NRXN1: variants seen among roughly 807,000 people sequenced by gnomAD.
NRXN1 encodes the protein neurexin-1.
NRXN1 carries 39 observed loss-of-function variants against 150.9 expected under a neutral mutation model. The ratio of observed to expected loss-of-function variants is 0.26; its 90% confidence interval spans 0.20 to 0.34. The LOEUF (loss-of-function observed/expected upper bound fraction) is 0.34. Ranked by LOEUF, NRXN1 falls within the 10% of genes least tolerant of loss-of-function variation. The pLI is 1.00. For synonymous variants in NRXN1, 924 were observed against 757.0 expected (o/e 1.22, Z -3.62); for missense variants, 1,815 against 1,949.9 (o/e 0.93, Z 1.30).
chr2:50,105,632 T>A (rs2152716745), intron 18 of NRXN1, among the ~76,000 whole-genome samples: 1 of 152,156 alleles, frequency 6.6e-6, no homozygotes, highest in Non-Finnish European at 1.5e-5. Flanking sequence ...GTCATGGAGT[T>A]TTCTACTAAA....
chr2:50,709,811 C>T (rs1694917097), intron 5 of NRXN1, among the ~76,000 whole-genome samples: 1 of 152,262 alleles, frequency 6.6e-6, no homozygotes, highest in South Asian at 2.1e-4. Flanking sequence ...TATTAAATTA[C>T]TTGACCATTC....
intron 20 of NRXN1, among the ~76,000 whole-genome samples, chr2:50,054,253 A>T (rs1332577263): frequency 2.0e-5 from 3 of 152,198 alleles, no homozygotes; most frequent in Non-Finnish European, 4.4e-5. Context: ...AATGAAAAAA[A>T]AAAATAGCTT....
intron 19 of NRXN1, among the ~76,000 whole-genome samples, chr2:50,073,288 G>T (rs1447955036): frequency 6.6e-6 from 1 of 152,098 alleles, no homozygotes; most frequent in Non-Finnish European, 1.5e-5. Flanking sequence ...GTTCCAAGGG[G>T]GTAGTGACCA....
intron 21 of NRXN1, among the ~76,000 whole-genome samples, chr2:49,976,664 A>T (rs372930931): frequency 1.1e-4 from 16 of 152,160 alleles, no homozygotes; most frequent in African/African-American, 3.9e-4. Flanking sequence ...GGAACTGTAA[A>T]ATAAAGGTTC....
chr2:50,169,298 G>C (rs143853557), intron 18 of NRXN1, among the ~76,000 whole-genome samples: 3,885 of 152,268 alleles, frequency 0.026, 68 homozygotes, highest in Middle Eastern at 0.071. Context: ...TGTAGCTATT[G>C]TGTAAAGTGG....
At chr2:50,426,046 T>C (rs2084455135) in intron 17 of NRXN1, among the ~76,000 whole-genome samples, 1 of 152,250 alleles carries the variant, frequency 6.6e-6, no homozygotes, top group Admixed American at 6.5e-5. Context: ...TAACTACTTG[T>C]ACCTACAGCT....
intron 19 of NRXN1, among the ~76,000 whole-genome samples, chr2:50,068,879 T>G (rs1035221483): frequency 1.3e-5 from 2 of 152,188 alleles, no homozygotes; most frequent in South Asian, 2.1e-4. Context: ...TGAGCCTTAT[T>G]ATGAGTGATA....
chr2:50,575,945 G>C (rs1343679694), intron 8 of NRXN1, among the ~76,000 whole-genome samples: 1 of 152,066 alleles, frequency 6.6e-6, no homozygotes, highest in Non-Finnish European at 1.5e-5. Flanking sequence ...AGTTACTTTT[G>C]AAAGAGTTGT....
At chr2:49,981,727 A>G (rs1224659371) in intron 21 of NRXN1, among the ~76,000 whole-genome samples, 1 of 152,104 alleles carries the variant, frequency 6.6e-6, no homozygotes, top group Non-Finnish European at 1.5e-5. Context: ...GTTAGAAACA[A>G]AGCTCAGCTT....
chr2:50,810,782 C>T (rs553839054), intron 5 of NRXN1, among the ~76,000 whole-genome samples: 25 of 152,204 alleles, frequency 1.6e-4, no homozygotes, highest in Non-Finnish European at 3.2e-4. Context: ...GAGATGAAGA[C>T]CATCCTGGCC....
At chr2:50,922,502 AG>A in intron 4 of NRXN1, 155 bp downstream of exon 4, 1 of 788,702 alleles carries the variant, frequency 1.3e-6, no homozygotes, top group Non-Finnish European at 2.2e-6. Context: ...AAGAAATGGA[AG>A]AAAAACACAT....
intron 15 of NRXN1, among the ~76,000 whole-genome samples, chr2:50,483,519 T>G (rs573872887): frequency 6.6e-6 from 1 of 152,290 alleles, no homozygotes; most frequent in Admixed American, 6.5e-5. Flanking sequence ...TCAGGGCCCC[T>G]TTCTCGTAAC....
At chr2:50,554,934 G>C (rs1006857298) in intron 8 of NRXN1, among the ~76,000 whole-genome samples, 1 of 151,978 alleles carries the variant, frequency 6.6e-6, no homozygotes, top group Non-Finnish European at 1.5e-5. Flanking sequence ...ATAACAAAAA[G>C]GAATTACATT....
chr2:50,756,643 A>C (rs1186728812), intron 5 of NRXN1, among the ~76,000 whole-genome samples: 1 of 151,884 alleles, frequency 6.6e-6, no homozygotes, highest in Non-Finnish European at 1.5e-5. Flanking sequence ...AATATCCAAC[A>C]ATAGTAAAAG....
chr2:49,928,005 G>A (rs1463381232), intron 22 of NRXN1, among the ~76,000 whole-genome samples: 1 of 151,846 alleles, frequency 6.6e-6, no homozygotes, highest in Non-Finnish European at 1.5e-5. Context: ...GGCACACCAA[G>A]GATAAAGTAA....
chr2:50,543,524 A>T (rs2093431911), intron 9 of NRXN1, among the ~76,000 whole-genome samples: 1 of 152,122 alleles, frequency 6.6e-6, no homozygotes, highest in Admixed American at 6.5e-5. Context: ...TTCACGACAC[A>T]TGTAAGAGGT....
intron 2 of NRXN1, among the ~76,000 whole-genome samples, chr2:50,994,714 A>G (rs1699016073): frequency 6.6e-6 from 1 of 152,118 alleles, no homozygotes. Context: ...TAGATAATAT[A>G]AATTACACAT....
At chr2:49,942,257 C>G (rs1672109167) in intron 22 of NRXN1, among the ~76,000 whole-genome samples, 1 of 152,084 alleles carries the variant, frequency 6.6e-6, no homozygotes, top group South Asian at 2.1e-4. Context: ...AGAGCATACC[C>G]AGCCTGGTCT....
intron 2 of NRXN1, among the ~76,000 whole-genome samples, chr2:50,961,849 T>TA (rs1242316917): frequency 6.6e-6 from 1 of 151,638 alleles, no homozygotes; most frequent in Non-Finnish European, 1.5e-5. Context: ...TATAGATACA[T>TA]ACAACCATAT....
Sources: allele counts gnomAD v4.1 joint callset (sites outside exome capture counted in the v4.1 genomes callset), GRCh38; gene constraint gnomAD v4.1.1; transcripts MANE v1.5; gene names NCBI Gene and HGNC (gene_info 2026-07-23, HGNC 2026-07-21).